The following TCTN1 variants were observed in gnomAD, a reference collection of about 807,000 sequenced individuals.
TCTN1 encodes tectonic family member 1.
In TCTN1, 58 loss-of-function variants were observed where a neutral mutation model predicts 65.8. The observed-to-expected ratio is 0.88, with a 90% CI of 0.71 to 1.10. The LOEUF (loss-of-function observed/expected upper bound fraction) is 1.10. Ranked by LOEUF, TCTN1 falls within the 50% of genes least tolerant of loss-of-function variation. The probability of loss-of-function intolerance (pLI) is 0.00; values close to 1 mark genes in which losing one functional copy is unlikely to be tolerated. For missense variants in TCTN1, 645 were observed against 719.4 expected (o/e 0.90, Z 1.18); for synonymous variants, 273 against 289.1 (o/e 0.94, Z 0.57).
At chr12:110,620,737 C>A (rs983294242) in intron 2 of TCTN1, among the ~76,000 whole-genome samples, 1 of 151,662 alleles carries the variant, frequency 6.6e-6, no homozygotes, top group African/African-American at 2.4e-5. Flanking sequence ...TGAAAAATGA[C>A]ATTTCCAGCT....
Position 110,614,150 on chromosome 12 carries a change from C to A in TCTN1, c.-33C>A. On this transcript the variant is annotated 5_prime_UTR_variant, in exon 1 of 15. Transcript: ENST00000397659. ...CGCGGTTGCCGGGCAACGCGCTGTC[C>A]ATGTCGCGGGCCTCGCTGGGACTCC... The A allele has an allele frequency of 6.5e-7, 1 of 1,545,994 alleles. No homozygotes were observed. The highest frequency in any genetic ancestry group is 8.7e-7 in the Non-Finnish European group (1 of 1,146,846).
chr12:110,618,389 C>A (rs888076043), intron 1 of TCTN1, among the ~76,000 whole-genome samples: 2 of 152,120 alleles, frequency 1.3e-5, no homozygotes, highest in African/African-American at 2.4e-5. Flanking sequence ...TACAGGTGCC[C>A]GCCACCACAC....
At position 110,644,454 on chromosome 12, in the gene TCTN1, T is replaced by A. The variant is rs1276054643; in HGVS notation, c.1332-513T>A. The A allele has an allele frequency of 5.1e-6, 1 of 197,014 alleles. No individual in the cohort carries two copies. The highest frequency in any genetic ancestry group is 1.0e-5 in the Non-Finnish European group (1 of 95,802). The allele number at this position is 197,014 out of a possible 1,614,324, so 12.2% of individuals were successfully genotyped here. On this transcript the variant is annotated intron_variant, in intron 11 of 14. Transcript: ENST00000397659. The surrounding 1 kb of genome is among the most constrained non-coding windows in gnomAD (Gnocchi z 4.6). ...ACTTCGGGAGGCTGATGTGGGCAGA[T>A]CACCTGAGGTTGGGAGTTCGAGACC...
rs769061635 is a variant in TCTN1, at chr12:110,626,338, T to C, written c.342-24T>C. On this transcript the variant is annotated intron_variant, in intron 2 of 14. Transcript: ENST00000397659. ...TGTGTGCTTATGTCTTGTAACTTTG[T>C]ATTATTATTTTTTTAATTTTCAGGG... 3.0e-5 allele frequency: 46 copies of C among 1,549,408 alleles called. 2 individuals carry two copies. The Admixed American group carries it at 8.4e-4, about 28-fold the overall frequency.
intron 10 of TCTN1, chr12:110,641,932 A>G (rs1436857536): frequency 3.6e-6 from 2 of 554,046 alleles, no homozygotes; most frequent in Non-Finnish European, 3.2e-6. Flanking sequence ...TTTTACAACG[A>G]AAATCTTAAG....
At chr12:110,625,191 T>C (rs2065747328) in intron 2 of TCTN1, among the ~76,000 whole-genome samples, 1 of 152,228 alleles carries the variant, frequency 6.6e-6, no homozygotes, top group Non-Finnish European at 1.5e-5. Flanking sequence ...ATAAAAATTA[T>C]ACCCTGATCT....
chr12:110,634,532 A>G, intron 5 of TCTN1, 138 bp from the exon 6 acceptor site: 1 of 742,428 alleles, frequency 1.3e-6, no homozygotes, highest in South Asian at 1.6e-5. Flanking sequence ...CAAAACAAAC[A>G]ACAACAAAAT....
In TCTN1 at chr12:110,628,852, A is replaced by G; in HGVS notation, c.558A>G (p.Thr186=). 6.2e-7 allele frequency: 1 copy of G among 1,613,710 alleles called. No homozygotes were observed. The highest frequency in any genetic ancestry group is 2.2e-5 in the East Asian group (1 of 44,810). The part of the protein sequence containing the change: ...DTLMKTSDGF[T]LNAESYVSFT... ...TGATGAAAACATCTGATGGTTTTAC[A>G]TTGAATGCTGAATCATATGTTTCCT... is the stretch of plus-strand genomic sequence containing the variant. The change falls in exon 4 of 15, where the codon ACA becomes ACG. Residue 186 remains threonine, a synonymous_variant. Transcript: ENST00000397659.
chr12:110,637,977 G>A (rs569390980), intron 7 of TCTN1, among the ~76,000 whole-genome samples: 1 of 152,304 alleles, frequency 6.6e-6, no homozygotes, highest in South Asian at 2.1e-4. Context: ...GGAAGGCTTG[G>A]AGCAGGTGCC....
At chr12:110,636,977 A>T (rs984954473) in intron 7 of TCTN1, among the ~76,000 whole-genome samples, 2 of 152,226 alleles carry the variant, frequency 1.3e-5, no homozygotes, top group Non-Finnish European at 2.9e-5. Flanking sequence ...TTATCGCCCC[A>T]GCCCAGGGTT....
Position 110,626,417 on chromosome 12 carries a change from G to A in TCTN1, c.397G>A (p.Ala133Thr), listed in dbSNP as rs1254378477. The change falls in exon 3 of 15, where the codon GCA becomes ACA. Residue 133 changes from alanine (A) to threonine (T), a missense_variant. By Grantham distance (58) the Ala-to-Thr change is moderately conservative. Coordinates refer to ENST00000397659, the MANE Select transcript of TCTN1 (RefSeq NM_001082538.3). ...AGTCATCTATTCATTGAATTTTACA[G>A]CAAACCCACCTCAAAGAGTATTTGA... ...KAVIYSLNFT[A>T]NPPQRVFELV... 17 of 1,608,364 alleles carry A rather than the reference G, an allele frequency of 1.1e-5. No homozygotes were observed. Among genetic ancestry groups the A allele is most frequent in the Non-Finnish European group, 1.4e-5 (16 of 1,176,458 alleles).
At chr12:110,623,627 A>G (rs760788819) in intron 2 of TCTN1, among the ~76,000 whole-genome samples, 12 of 152,200 alleles carry the variant, frequency 7.9e-5, no homozygotes, top group Non-Finnish European at 1.2e-4. Context: ...TAATTGGGGA[A>G]AATTAGAAAC....
At chr12:110,648,481 G>C (rs2067546526) in intron 14 of TCTN1, among the ~76,000 whole-genome samples, 1 of 152,190 alleles carries the variant, frequency 6.6e-6, no homozygotes, top group African/African-American at 2.4e-5. Context: ...CAGAGGCAAG[G>C]GGGATTTGGC....
Position 110,634,690 on chromosome 12 carries a change from G to A in TCTN1, c.733G>A (p.Val245Ile). 1 of 1,610,464 alleles carries A rather than the reference G, an allele frequency of 6.2e-7. No individual in the cohort carries two copies. Among genetic ancestry groups the A allele is most frequent in the Non-Finnish European group, 8.5e-7 (1 of 1,178,144 alleles). ...NPAAFLVNQA[V>I]KCTRKINLEQ... ...TCTAGCGTTTCTGGTGAACCAGGCTGTTAAGTGCACCAGAAAAATAAATTT... is the reference window on the plus strand; with the variant it reads ...TCTAGCGTTTCTGGTGAACCAGGCTATTAAGTGCACCAGAAAAATAAATTT... Residue 245 changes from valine (V) to isoleucine (I), a missense_variant, in exon 6 of 15, where the codon GTT becomes ATT. By Grantham distance (29) the Val-to-Ile change is conservative. Coordinates refer to ENST00000397659, the MANE Select transcript of TCTN1 (RefSeq NM_001082538.3).
At position 110,640,817 on chromosome 12, in the gene TCTN1, T is replaced by C. The variant is rs1158955213; in HGVS notation, c.979-207T>C. ...CTTGGACCAGCTTATGTGGAACTTC[T>C]GTAATTGGGCAGAGTGGCTCAGATG... On this transcript the variant is annotated intron_variant, in intron 8 of 14. Coordinates refer to ENST00000397659, the MANE Select transcript of TCTN1 (RefSeq NM_001082538.3). The surrounding 1 kb of genome is among the most constrained non-coding windows in gnomAD (Gnocchi z 4.9). Among the ~76,000 whole-genome samples the C allele has an allele frequency of 6.6e-6, 1 of 152,224 alleles. No homozygotes were observed. Among genetic ancestry groups the C allele is most frequent in the Non-Finnish European group, 1.5e-5 (1 of 68,038 alleles).
rs185856114 is a variant in TCTN1, at chr12:110,646,699, A to C, written c.1495-497A>C. On this transcript the variant is annotated intron_variant, in intron 12 of 14. Coordinates refer to ENST00000397659, the MANE Select transcript of TCTN1 (RefSeq NM_001082538.3). ...CATACGGACACTGCCTGGATTACCT[A>C]GATGTCACATCTTAATTGCCAATTG... is the stretch of plus-strand genomic sequence containing the variant. 48 of 220,252 alleles carry C rather than the reference A, an allele frequency of 2.2e-4. 1 individual carries two copies. The East Asian group carries it at 3.4e-3, about 16-fold the overall frequency. The allele number at this position is 220,252 out of a possible 1,614,324, so 13.6% of individuals were successfully genotyped here.
intron 1 of TCTN1, among the ~76,000 whole-genome samples, chr12:110,615,564 T>C (rs1055483003): frequency 6.6e-6 from 1 of 152,200 alleles, no homozygotes; most frequent in Non-Finnish European, 1.5e-5. Context: ...CACTTAAGTC[T>C]CAATCTGCTG....
At chr12:110,617,302 C>T (rs191425859) in intron 1 of TCTN1, among the ~76,000 whole-genome samples, 35 of 152,018 alleles carry the variant, frequency 2.3e-4, no homozygotes, top group Middle Eastern at 3.4e-3. Flanking sequence ...CTTCACCTCA[C>T]ACATTTTTTT....
At chr12:110,638,835 A>G (rs1471770677) in intron 7 of TCTN1, among the ~76,000 whole-genome samples, 2 of 152,064 alleles carry the variant, frequency 1.3e-5, no homozygotes, top group Non-Finnish European at 2.9e-5. Context: ...AGAGTAAGGA[A>G]CCCGGGGTTG....
Sources: allele counts gnomAD v4.1 joint callset (sites outside exome capture counted in the v4.1 genomes callset), GRCh38; gene constraint gnomAD v4.1.1; non-coding constraint Gnocchi (gnomAD v3.1); transcripts MANE v1.5; gene names NCBI Gene and HGNC (gene_info 2026-07-23, HGNC 2026-07-21).